CALHM6: variants seen among roughly 807,000 people sequenced by gnomAD.
CALHM6 encodes the protein calcium homeostasis modulator protein 6.
CALHM6 carries 15 observed loss-of-function variants against 12.7 expected under a neutral mutation model. The observed-to-expected ratio is 1.18, with a 90% CI of 0.79 to 1.82. CALHM6 has a LOEUF of 1.82. Ranked by LOEUF, CALHM6 falls within the 40% of genes most tolerant of loss-of-function variation. CALHM6 has a pLI of 0.00. For missense variants in CALHM6, 434 were observed against 421.0 expected, an observed-to-expected ratio of 1.03 and a Z score of -0.27; for synonymous variants, 212 against 193.7, an observed-to-expected ratio of 1.09 and a Z score of -0.78.
At chr6:116,462,853 TAAGTA>T (rs1434616314) in intron 2 of CALHM6, among the ~76,000 whole-genome samples, 3 of 152,202 alleles carry the variant, frequency 2.0e-5, no homozygotes, top group Non-Finnish European at 4.4e-5. Context: ...TCACTGAGTC[TAAGTA>T]AAGTTGTTTG....
At position 116,462,318 on chromosome 6, in the gene CALHM6, G is replaced by C. The variant is rs1476238229; in HGVS notation, c.389G>C (p.Gly130Ala). The part of the protein sequence containing the change: ...GGAFYECAAT[G>A]SAAFAQRLCL... ...GCCTTTTACGAGTGCGCGGCCACCG[G>C]GAGCGCGGCCTTCGCGCAGCGCCTG... The change falls in exon 2 of 3, where the codon GGG becomes GCG. Residue 130 changes from glycine (G) to alanine (A), a missense_variant. By Grantham distance (60) the Gly-to-Ala change is moderately conservative. Coordinates refer to ENST00000368605, the MANE Select transcript of CALHM6 (RefSeq NM_001010919.3). 7.0e-7 allele frequency: 1 copy of C among 1,435,114 alleles called. No homozygotes were observed. Among genetic ancestry groups the C allele is most frequent in the Non-Finnish European group, 9.1e-7 (1 of 1,099,810 alleles). The allele number at this position is 1,435,114 out of a possible 1,614,324, so 88.9% of individuals were successfully genotyped here.
At chr6:116,463,207 A>C in intron 2 of CALHM6, 76 bp from the exon 3 acceptor site, 2 of 1,424,862 alleles carry the variant, frequency 1.4e-6, no homozygotes, top group Non-Finnish European at 1.9e-6. Flanking sequence ...GAGTAGTTGA[A>C]ACTTTATCTG....
In CALHM6 at chr6:116,462,209, C is replaced by T; in HGVS notation, c.280C>T (p.Arg94Cys). ...CCGCGCGAGTTGCGGATCGGCGCTG[C>T]GCGGCTCCCTGGTGTGCACGCAAAT... ...SARASCGSAL[R>C]GSLVCTQISA... Residue 94 changes from arginine (R) to cysteine (C), a missense_variant, in exon 2 of 3, where the codon CGC (arginine) becomes TGC (cysteine). Physicochemically the swap from Arg to Cys is radical, Grantham distance 180. Coordinates refer to ENST00000368605, the MANE Select transcript of CALHM6 (RefSeq NM_001010919.3). The T allele has an allele frequency of 2.0e-6, 3 of 1,487,490 alleles. No individual in the cohort carries two copies. The highest frequency in any genetic ancestry group is 1.4e-5 in the African/African-American group (1 of 69,836). The allele number at this position is 1,487,490 out of a possible 1,614,324, so 92.1% of individuals were successfully genotyped here.
In CALHM6 at chr6:116,463,373, CA is replaced by C. The variant is rs756751304; in HGVS notation, c.617del (p.Gln206ArgfsTer2). ...ATGCCTATCTCCAGTTAGTTTTCTG[CA>C]GCTGAAATTCTGGAAAATCTATTTG... ...TRCLSPVSFLQLKFWKIYLEQ... is the reference protein window; with the variant it reads ...TRCLSPVSFLXLKFWKIYLEQ... On this transcript the variant is annotated frameshift_variant, in exon 3 of 3. Coordinates refer to ENST00000368605, the MANE Select transcript of CALHM6 (RefSeq NM_001010919.3). LOFTEE classifies it low-confidence loss of function (END_TRUNC). 1.9e-6 allele frequency: 3 copies of C among 1,614,082 alleles called. No individual in the cohort carries two copies. Among genetic ancestry groups the C allele is most frequent in the Non-Finnish European group, 2.5e-6 (3 of 1,180,018 alleles).
At chr6:116,462,952 GAC>G (rs1295495690) in intron 2 of CALHM6, among the ~76,000 whole-genome samples, 5 of 152,198 alleles carry the variant, frequency 3.3e-5, no homozygotes, top group Admixed American at 3.3e-4. Context: ...GCCACCACTG[GAC>G]TTAGAAAGCT....
intron 2 of CALHM6, among the ~76,000 whole-genome samples, chr6:116,463,033 G>A (rs887666640): frequency 6.6e-6 from 1 of 152,164 alleles, no homozygotes; most frequent in African/African-American, 2.4e-5. Flanking sequence ...AGTTCTAAGG[G>A]AATGGTATGG....
Position 116,462,209 on chromosome 6 carries a change from C to G in CALHM6, c.280C>G (p.Arg94Gly). 6.7e-7 allele frequency: 1 copy of G among 1,487,490 alleles called. No individual in the cohort carries two copies. The highest frequency in any genetic ancestry group is 8.9e-7 in the Non-Finnish European group (1 of 1,122,808). The allele number at this position is 1,487,490 out of a possible 1,614,324, so 92.1% of individuals were successfully genotyped here. ...CCGCGCGAGTTGCGGATCGGCGCTG[C>G]GCGGCTCCCTGGTGTGCACGCAAAT... is the stretch of plus-strand genomic sequence containing the variant. ...SARASCGSAL[R>G]GSLVCTQISA... The change falls in exon 2 of 3, where the codon CGC becomes GGC. Residue 94 changes from arginine to glycine, a missense_variant. Arg to Gly is a moderately radical substitution (Grantham distance 125). Transcript: ENST00000368605.
rs1784788355 is a variant in CALHM6 at position 116,462,193 on chromosome 6, T to TTGCGGATCGGCGCTGCGCGGCTCCC, written c.267_291dup (p.Val98ArgfsTer114). 1.3e-6 allele frequency: 2 copies of TTGCGGATCGGCGCTGCGCGGCTCCC among 1,508,750 alleles called. No homozygotes were observed. 93.5% of individuals were successfully genotyped at this position (1,508,750 alleles called of 1,614,324 possible). Reference sequence around the variant, plus strand: ...GATGCTGCTCCAGCGCCCGCGCGAGTTGCGGATCGGCGCTGCGCGGCTCCC... The same window carrying TTGCGGATCGGCGCTGCGCGGCTCCC: ...GATGCTGCTCCAGCGCCCGCGCGAGTTGCGGATCGGCGCTGCGCGGCTCCCTGCGGATCGGCGCTGCGCGGCTCCC... On this transcript the variant is annotated frameshift_variant, in exon 2 of 3. Transcript: ENST00000368605. LOFTEE classifies it high-confidence loss of function.
At position 116,461,894 on chromosome 6, in the gene CALHM6, C is replaced by G; in HGVS notation, c.-36C>G. The G allele has an allele frequency of 6.8e-7, 1 of 1,474,680 alleles. No individual in the cohort carries two copies. Among genetic ancestry groups the G allele is most frequent in the Non-Finnish European group, 9.0e-7 (1 of 1,106,334 alleles). 91.3% of individuals were successfully genotyped at this position (1,474,680 alleles called of 1,614,324 possible). ...CAGGACAACGAAGAGGCAGAAGGATCTGGGCCTGTGCGCGACGCCCCGGGG... is the reference window on the plus strand; with the variant it reads ...CAGGACAACGAAGAGGCAGAAGGATGTGGGCCTGTGCGCGACGCCCCGGGG... On this transcript the variant is annotated 5_prime_UTR_variant, in exon 2 of 3. In the 5' UTR this introduces an upstream ATG that the reference lacks. Coordinates refer to ENST00000368605, the MANE Select transcript of CALHM6 (RefSeq NM_001010919.3).
In CALHM6 at chr6:116,462,266, T is replaced by A; in HGVS notation, c.337T>A (p.Trp113Arg). 7.3e-7 allele frequency: 1 copy of A among 1,376,910 alleles called. No individual in the cohort carries two copies. Among genetic ancestry groups the A allele is most frequent in the East Asian group, 3.1e-5 (1 of 32,574 alleles). 85.3% of individuals were successfully genotyped at this position (1,376,910 alleles called of 1,614,324 possible). A position where few individuals can be genotyped will look rare whatever the true frequency, so the allele number is the denominator to read the frequency against. The change falls in exon 2 of 3, where the codon TGG becomes AGG. Residue 113 changes from tryptophan to arginine, a missense_variant. Trp to Arg is a moderately radical substitution (Grantham distance 101, BLOSUM62 -3). Coordinates refer to ENST00000368605, the MANE Select transcript of CALHM6 (RefSeq NM_001010919.3). ...SAAAALAPLT[W>R]VAVALLGGAF... ...GGCCGCCGCGCTCGCGCCCCTCACC[T>A]GGGTGGCCGTGGCGCTGCTCGGGGG...
rs1286949107 is a variant in CALHM6, at chr6:116,462,146, C to T, written c.217C>T (p.Arg73Cys). The T allele has an allele frequency of 1.3e-6, 2 of 1,530,720 alleles. No individual in the cohort carries two copies. Among genetic ancestry groups the T allele is most frequent in the South Asian group, 1.2e-5 (1 of 83,544 alleles). The allele number at this position is 1,530,720 out of a possible 1,614,324, so 94.8% of individuals were successfully genotyped here. Residue 73 changes from arginine to cysteine, a missense_variant, in exon 2 of 3, where the codon CGC becomes TGC. Arg to Cys is a radical substitution (Grantham distance 180). Coordinates refer to ENST00000368605, the MANE Select transcript of CALHM6 (RefSeq NM_001010919.3). ...CCTCCTGGGCTACGTGCTGAGCGCA[C>T]GCACGTGGCGCCTGCTCACCGGATG... ...LFLLGYVLSA[R>C]TWRLLTGCCS...
In CALHM6 at chr6:116,462,109, G is replaced by A; in HGVS notation, c.180G>A (p.Ala60=). The A allele has an allele frequency of 6.5e-7, 1 of 1,542,024 alleles. No homozygotes were observed. The highest frequency in any genetic ancestry group is 2.5e-5 in the East Asian group (1 of 40,778). Residue 60 remains alanine, a synonymous_variant, in exon 2 of 3, where the codon GCG becomes GCA. Coordinates refer to ENST00000368605, the MANE Select transcript of CALHM6 (RefSeq NM_001010919.3). ...GCCTGGTCTTCTTGCTGGTGCCGGC[G>A]CTCGCGCTCTTCCTCCTGGGCTACG... is the stretch of plus-strand genomic sequence containing the variant. The part of the protein sequence containing the change: ...PYGLVFLLVP[A]LALFLLGYVL...
In CALHM6 at chr6:116,463,438, G is replaced by A; in HGVS notation, c.681G>A (p.Glu227=). The A allele has an allele frequency of 1.2e-6, 2 of 1,614,154 alleles. No individual in the cohort carries two copies. The highest frequency in any genetic ancestry group is 1.7e-6 in the Non-Finnish European group (2 of 1,180,024). The change falls in exon 3 of 3, where the codon GAG becomes GAA. Residue 227 remains glutamate (E), a synonymous_variant. Transcript: ENST00000368605. ...AGATCCTTAAAAGTAAAGCCACAGA[G>A]CATGCAACTGAATTGGCAAAAGAGA... ...EQQILKSKAT[E]HATELAKENI...
intron 2 of CALHM6, 124 bp downstream of exon 2, chr6:116,462,578 A>C (rs1408998430): frequency 5.2e-6 from 3 of 576,934 alleles, no homozygotes. Context: ...AAAATCTAGA[A>C]TGGCTCCTTG....
Position 116,461,887 on chromosome 6 carries a change from G to T in CALHM6, c.-43G>T. Reference sequence around the variant, plus strand: ...TGACAAGCAGGACAACGAAGAGGCAGAAGGATCTGGGCCTGTGCGCGACGC... The same window carrying T: ...TGACAAGCAGGACAACGAAGAGGCATAAGGATCTGGGCCTGTGCGCGACGC... On this transcript the variant is annotated 5_prime_UTR_variant, in exon 2 of 3. An upstream open reading frame in the 5' UTR gains an earlier in-frame stop. Transcript: ENST00000368605. 6.9e-7 allele frequency: 1 copy of T among 1,441,266 alleles called. No homozygotes were observed. Among genetic ancestry groups the T allele is most frequent in the South Asian group, 1.4e-5 (1 of 69,204 alleles). 89.3% of individuals were successfully genotyped at this position (1,441,266 alleles called of 1,614,324 possible).
Position 116,463,395 on chromosome 6 carries a change from A to G in CALHM6, c.638A>G (p.Tyr213Cys), listed in dbSNP as rs761399035. The change falls in exon 3 of 3, where the codon TAT becomes TGT. Residue 213 changes from tyrosine to cysteine, a missense_variant. By Grantham distance (194) the Tyr-to-Cys change is radical. Transcript: ENST00000368605. ...SFLQLKFWKI[Y>C]LEQEQQILKS... The stretch of plus-strand genomic sequence containing the variant: ...CTGCAGCTGAAATTCTGGAAAATCT[A>G]TTTGGAACAGGAGCAGCAGATCCTT... 91 of 1,614,034 alleles carry G rather than the reference A, an allele frequency of 5.6e-5. 3 individuals carry two copies. The South Asian group carries it at 7.8e-4, about 14-fold the overall frequency.
Position 116,462,024 on chromosome 6 carries a change from G to A in CALHM6, c.95G>A (p.Arg32His). ...LVTLLTAGGE[R>H]IFSAVAFQCP... The stretch of plus-strand genomic sequence containing the variant: ...ACCCTGCTGACGGCGGGCGGGGAGC[G>A]CATCTTCTCCGCCGTGGCATTCCAG... Residue 32 changes from arginine to histidine, a missense_variant, in exon 2 of 3, where the codon CGC becomes CAC. Transcript: ENST00000368605. 2 of 1,548,184 alleles carry A rather than the reference G, an allele frequency of 1.3e-6. No individual in the cohort carries two copies. The highest frequency in any genetic ancestry group is 1.7e-6 in the Non-Finnish European group (2 of 1,146,086).
At position 116,462,179 on chromosome 6, in the gene CALHM6, A is replaced by G; in HGVS notation, c.250A>G (p.Ser84Gly). ...TWRLLTGCCS[S>G]ARASCGSALR... is the part of the protein sequence containing the mutation. ...GCGCCTGCTCACCGGATGCTGCTCC[A>G]GCGCCCGCGCGAGTTGCGGATCGGC... is the stretch of plus-strand genomic sequence containing the variant. The change falls in exon 2 of 3, where the codon AGC becomes GGC. Residue 84 changes from serine (S) to glycine (G), a missense_variant. By Grantham distance (56) the Ser-to-Gly change is moderately conservative. Coordinates refer to ENST00000368605, the MANE Select transcript of CALHM6 (RefSeq NM_001010919.3). 1 of 1,514,096 alleles carries G rather than the reference A, an allele frequency of 6.6e-7. No homozygotes were observed. The highest frequency in any genetic ancestry group is 8.8e-7 in the Non-Finnish European group (1 of 1,134,696). 93.8% of individuals were successfully genotyped at this position (1,514,096 alleles called of 1,614,324 possible). A position where few individuals can be genotyped will look rare whatever the true frequency, so the allele number is the denominator to read the frequency against.
chr6:116,461,915 C>A lies in CALHM6; in HGVS notation c.-15C>A. ...GGATCTGGGCCTGTGCGCGACGCCC[C>A]GGGGGACGAGGCTCATGGAGAAGTT... On this transcript the variant is annotated 5_prime_UTR_variant, in exon 2 of 3. Coordinates refer to ENST00000368605, the MANE Select transcript of CALHM6 (RefSeq NM_001010919.3). 1 of 1,486,182 alleles carries A rather than the reference C, an allele frequency of 6.7e-7. No individual in the cohort carries two copies. The highest frequency in any genetic ancestry group is 9.0e-7 in the Non-Finnish European group (1 of 1,111,036). The allele number at this position is 1,486,182 out of a possible 1,614,324, so 92.1% of individuals were successfully genotyped here. A position where few individuals can be genotyped will look rare whatever the true frequency, so the allele number is the denominator to read the frequency against.
Sources: gnomAD v4.1 joint callset for allele counts (sites outside exome capture counted in the v4.1 genomes callset) on GRCh38, gnomAD v4.1.1 for gene constraint, MANE v1.5 for transcripts, NCBI Gene and HGNC (gene_info 2026-07-23, HGNC 2026-07-21) for gene names.